The following KNDC1 variants were observed in gnomAD, a reference collection of about 807,000 sequenced individuals.
KNDC1 encodes the protein kinase non-catalytic C-lobe domain containing 1.
Under a neutral mutation model 172.8 loss-of-function variants are expected in KNDC1, and 106 were observed. The observed-to-expected ratio is 0.61, with a 90% CI of 0.52 to 0.72. The LOEUF is 0.72. Among genes scored for constraint, KNDC1 ranks in the 30% least tolerant of loss-of-function variants. The pLI, the probability that KNDC1 is intolerant of heterozygous loss-of-function variation, is 0.00. For missense variants in KNDC1, 2,325 were observed against 2,394.5 expected (o/e 0.97, Z 0.61); for synonymous variants, 1,083 against 1,062.2 (o/e 1.02, Z -0.38).
chr10:133,160,401 C>T lies in KNDC1; in HGVS notation c.-67C>T, dbSNP rs1182060557. The T allele has an allele frequency of 2.9e-5, 28 of 949,704 alleles. No homozygotes were observed. Among genetic ancestry groups the T allele is most frequent in the Non-Finnish European group, 3.9e-5 (28 of 720,248 alleles). 58.8% of individuals were successfully genotyped at this position (949,704 alleles called of 1,614,324 possible). A position where few individuals can be genotyped will look rare whatever the true frequency, so the allele number is the denominator to read the frequency against. ...CGGGCGCGTCTCCATGGAGCCAGGG[C>T]GCGCGTAGCCGAGCCCAGCCCAGCC... On this transcript the variant is annotated 5_prime_UTR_variant, in exon 1 of 30. Transcript: ENST00000304613.
Position 133,188,598 on chromosome 10 carries a change from G to A in KNDC1, c.1386G>A (p.Leu462=), listed in dbSNP as rs1853987022. ...QLGRPFREYE[L]WALCLACLRA... ...GCCGGCCCTTCCGGGAGTACGAGCTGTGGGCCCTGTGCCTGGCCTGCCTCC... is the reference window on the plus strand; with the variant it reads ...GCCGGCCCTTCCGGGAGTACGAGCTATGGGCCCTGTGCCTGGCCTGCCTCC... Residue 462 remains leucine (L), a synonymous_variant, in exon 7 of 30, where the codon CTG becomes CTA. Transcript: ENST00000304613. 3 of 1,597,022 alleles carry A rather than the reference G, an allele frequency of 1.9e-6. No homozygotes were observed. Among genetic ancestry groups the A allele is most frequent in the Non-Finnish European group, 2.6e-6 (3 of 1,173,462 alleles).
At chr10:133,168,842 T>A (rs1853274665) in intron 3 of KNDC1, among the ~76,000 whole-genome samples, 1 of 152,164 alleles carries the variant, frequency 6.6e-6, no homozygotes, top group South Asian at 2.1e-4. Flanking sequence ...TAGATGCTGC[T>A]GCTCCCAGAG....
At chr10:133,188,511 A>T (rs1325938890) in intron 6 of KNDC1, 28 bp from the exon 7 acceptor site, 1 of 1,467,142 alleles carries the variant, frequency 6.8e-7, no homozygotes, top group Non-Finnish European at 9.3e-7. Flanking sequence ...GGGTGTCCAC[A>T]CTGACCTCGC....
rs113107027 is a variant in KNDC1, at chr10:133,194,071, C to T, written c.1576-1592C>T. On this transcript the variant is annotated intron_variant, in intron 9 of 29. Coordinates refer to ENST00000304613, the MANE Select transcript of KNDC1 (RefSeq NM_152643.8). ...AACTCAACAACACTGTCAATCAACACGGCTGGATCAACATTTAAAGGACAC... is the reference window on the plus strand; with the variant it reads ...AACTCAACAACACTGTCAATCAACATGGCTGGATCAACATTTAAAGGACAC... 6.0e-3 allele frequency among the ~76,000 whole-genome samples: 910 copies of T among 152,272 alleles called. 8 individuals carry two copies. Among genetic ancestry groups the T allele is most frequent in the African/African-American group, 0.021 (854 of 41,552 alleles).
At chr10:133,217,107 G>C (rs1845482388) in intron 26 of KNDC1, among the ~76,000 whole-genome samples, 1 of 152,272 alleles carries the variant, frequency 6.6e-6, no homozygotes, top group East Asian at 1.9e-4. Flanking sequence ...GCACAGTGTG[G>C]ATGTAGTTAA....
chr10:133,213,286 C>T (rs1845408918), intron 24 of KNDC1, among the ~76,000 whole-genome samples: 1 of 152,208 alleles, frequency 6.6e-6, no homozygotes, highest in African/African-American at 2.4e-5. Context: ...TCCTTGTGCC[C>T]CCACCCAGCT....
chr10:133,195,025 C>T (rs1854150181), intron 9 of KNDC1, among the ~76,000 whole-genome samples: 1 of 152,180 alleles, frequency 6.6e-6, no homozygotes, highest in Non-Finnish European at 1.5e-5. Context: ...AAACATCAAC[C>T]AACACTCATG....
At chr10:133,199,333 G>C (rs1448023769) in intron 14 of KNDC1, 67 bp downstream of exon 14, 62 of 1,549,900 alleles carry the variant, frequency 4.0e-5, no homozygotes, top group Non-Finnish European at 1.9e-5. Flanking sequence ...GGGACTCGGG[G>C]CCGCCCCACG....
At chr10:133,167,717 T>G in intron 2 of KNDC1, 138 bp downstream of exon 2, 1 of 981,530 alleles carries the variant, frequency 1.0e-6, no homozygotes, top group Non-Finnish European at 1.5e-6. Context: ...AGACCTTCTC[T>G]TCCTTGGGAG....
Position 133,183,873 on chromosome 10 carries a change from G to T in KNDC1, c.509G>T (p.Ser170Ile). The change falls in exon 5 of 30, where the codon AGC becomes ATC. Residue 170 changes from serine to isoleucine, a missense_variant and splice_region_variant. Coordinates refer to ENST00000304613, the MANE Select transcript of KNDC1 (RefSeq NM_152643.8). ...EDPGDRPDLE[S>I]IIALCEEKLQ... ...TGTCTGAGGTGTTCCCGTCCCCAGAGCATCATCGCGCTGTGTGAAGAGAAG... is the reference window on the plus strand; with the variant it reads ...TGTCTGAGGTGTTCCCGTCCCCAGATCATCATCGCGCTGTGTGAAGAGAAG... 1 of 1,575,188 alleles carries T rather than the reference G, an allele frequency of 6.3e-7. No individual in the cohort carries two copies. The highest frequency in any genetic ancestry group is 8.7e-7 in the Non-Finnish European group (1 of 1,153,314).
At chr10:133,188,504 T>A (rs750803815) in intron 6 of KNDC1, 35 bp from the exon 7 acceptor site, 1 of 1,384,338 alleles carries the variant, frequency 7.2e-7, no homozygotes, top group South Asian at 1.3e-5. Context: ...TGGCAAGGGG[T>A]GTCCACACTG....
intron 9 of KNDC1, among the ~76,000 whole-genome samples, chr10:133,193,910 T>G (rs1397227801): frequency 1.3e-5 from 2 of 152,202 alleles, no homozygotes; most frequent in African/African-American, 4.8e-5. Context: ...ATAACAGAGC[T>G]GCAGAATATG....
In KNDC1 at chr10:133,198,586, C is replaced by G. The variant is rs758839686; in HGVS notation, c.2078C>G (p.Pro693Arg). Residue 693 changes from proline to arginine, a missense_variant, in exon 14 of 30, where the codon CCT becomes CGT. Coordinates refer to ENST00000304613, the MANE Select transcript of KNDC1 (RefSeq NM_152643.8). Reference protein sequence around the residue: ...AQNASVARDQPALAQEESEER... With the variant: ...AQNASVARDQRALAQEESEER... ...CTCTGCTCCTCCCGTAGGGACCAGC[C>G]TGCCTTGGCCCAGGAGGAGTCCGAG... 119 of 1,589,660 alleles carry G rather than the reference C, an allele frequency of 7.5e-5. No homozygotes were observed. Among genetic ancestry groups the G allele is most frequent in the Non-Finnish European group, 1.0e-4 (117 of 1,166,382 alleles).
intron 3 of KNDC1, among the ~76,000 whole-genome samples, chr10:133,175,797 G>A (rs1402027481): frequency 1.3e-5 from 2 of 151,604 alleles, no homozygotes; most frequent in African/African-American, 4.9e-5. Flanking sequence ...CTGATGGATG[G>A]GTAGGTAGAT....
Position 133,209,325 on chromosome 10 carries a change from C to T in KNDC1, c.3795-1286C>T, listed in dbSNP as rs543578119. Reference sequence around the variant, plus strand: ...GTGTGGGGTACAGTGTGTGTGTGCACGTGTGTGCTGTGCGGTGTGGGGTAT... The same window carrying T: ...GTGTGGGGTACAGTGTGTGTGTGCATGTGTGTGCTGTGCGGTGTGGGGTAT... On this transcript the variant is annotated intron_variant, in intron 20 of 29. Transcript: ENST00000304613. This position sits in a 1 kb window ranked among gnomAD's most constrained non-coding sequence, Gnocchi z 4.9. Among the ~76,000 whole-genome samples the T allele has an allele frequency of 8.2e-5, 12 of 146,422 alleles. No individual in the cohort carries two copies. The South Asian group carries it at 1.3e-3, about 16-fold the overall frequency.
intron 17 of KNDC1, chr10:133,202,486 G>A: frequency 2.5e-6 from 1 of 399,038 alleles, no homozygotes; most frequent in South Asian, 1.8e-5. Context: ...TGGGACCAGT[G>A]ACCCACAGCC....
At chr10:133,215,946 C>A (rs1845461924) in intron 26 of KNDC1, among the ~76,000 whole-genome samples, 1 of 152,252 alleles carries the variant, frequency 6.6e-6, no homozygotes, top group Admixed American at 6.5e-5. Context: ...CCCCTCACCT[C>A]CTCACGGGAG....
chr10:133,211,820 C>T lies in KNDC1; in HGVS notation c.4198C>T (p.Leu1400Phe), dbSNP rs1318577924. Reference protein sequence around the residue: ...AEEDARPFNALCKRLSEDGIS... With the variant: ...AEEDARPFNAFCKRLSEDGIS... ...GGAGGATGCCAGACCCTTCAACGCCCTCTGTAAGAGGCTCTCAGAGGACGG... is the reference window on the plus strand; with the variant it reads ...GGAGGATGCCAGACCCTTCAACGCCTTCTGTAAGAGGCTCTCAGAGGACGG... Residue 1400 changes from leucine to phenylalanine, a missense_variant, in exon 23 of 30, where the codon CTC (leucine) becomes TTC (phenylalanine). Transcript: ENST00000304613. 9.9e-6 allele frequency: 16 copies of T among 1,610,294 alleles called. No individual in the cohort carries two copies. Among genetic ancestry groups the T allele is most frequent in the Non-Finnish European group, 1.4e-5 (16 of 1,179,282 alleles).
chr10:133,200,299 TG>T, intron 15 of KNDC1, 75 bp from the exon 16 acceptor site: 1 of 1,151,122 alleles, frequency 8.7e-7, no homozygotes, highest in Non-Finnish European at 1.2e-6. Flanking sequence ...TGTGGGCCTG[TG>T]GGCCCCGCCC....
Sources: gnomAD v4.1 joint callset for allele counts (sites outside exome capture counted in the v4.1 genomes callset) on GRCh38, gnomAD v4.1.1 for gene constraint, Gnocchi (gnomAD v3.1) non-coding constraint, MANE v1.5 for transcripts, NCBI Gene and HGNC (gene_info 2026-07-23, HGNC 2026-07-21) for gene names.